The following MDGA2 variants were observed in gnomAD, a reference collection of about 807,000 sequenced individuals.
The protein encoded by MDGA2 is MAM domain-containing glycosylphosphatidylinositol anchor protein 2.
In MDGA2, 40 loss-of-function variants were observed where a neutral mutation model predicts 117.8. The ratio of observed to expected loss-of-function variants is 0.34; its 90% CI spans 0.26 to 0.44. The LOEUF (loss-of-function observed/expected upper bound fraction) is 0.44. Among genes scored for constraint, MDGA2 ranks in the 20% least tolerant of loss-of-function variants. The pLI, the probability that MDGA2 is intolerant of heterozygous loss-of-function variation, is 1.00. For synonymous variants in MDGA2, 452 were observed against 439.0 expected, an observed-to-expected ratio of 1.03 and a Z score of -0.37; for missense variants, 1,123 against 1,250.6, an observed-to-expected ratio of 0.90 and a Z score of 1.54.
chr14:47,442,795 G>T (rs1893040231), intron 1 of MDGA2, among the ~76,000 whole-genome samples: 1 of 152,084 alleles, frequency 6.6e-6, no homozygotes, highest in Admixed American at 6.6e-5. Context: ...GTCAACTGTG[G>T]TCTGAAAATA....
At chr14:47,634,331 T>C (rs1296239649) in intron 1 of MDGA2, among the ~76,000 whole-genome samples, 1 of 152,148 alleles carries the variant, frequency 6.6e-6, no homozygotes, top group Non-Finnish European at 1.5e-5. Flanking sequence ...AAATATTTGA[T>C]ATAAACTGAT....
At chr14:47,553,590 C>T (rs1027734358) in intron 1 of MDGA2, among the ~76,000 whole-genome samples, 4 of 152,094 alleles carry the variant, frequency 2.6e-5, no homozygotes, top group Non-Finnish European at 5.9e-5. Context: ...TTTAATGTTA[C>T]TGACATTTTG....
chr14:47,256,096 TC>T lies in MDGA2; in HGVS notation c.421-37902del, dbSNP rs374075348. Reference sequence around the variant, plus strand: ...GCCTTTTTTGGTTTTAAATCAAATTTCTTTTTTTTTTTTTTTCTGAAGCCCT... The same window carrying T: ...GCCTTTTTTGGTTTTAAATCAAATTTTTTTTTTTTTTTTTTCTGAAGCCCT... On this transcript the variant is annotated intron_variant, in intron 2 of 16. Coordinates refer to ENST00000399232, the MANE Select transcript of MDGA2 (RefSeq NM_001113498.3). Among the ~76,000 whole-genome samples, 116 of 150,508 alleles carry T rather than the reference TC, an allele frequency of 7.7e-4. 3 individuals carry two copies. The Middle Eastern group carries it at 0.017, about 22-fold the overall frequency.
chr14:47,459,123 C>T (rs1360295826), intron 1 of MDGA2, among the ~76,000 whole-genome samples: 1 of 151,870 alleles, frequency 6.6e-6, no homozygotes, highest in East Asian at 1.9e-4. Flanking sequence ...TGGAAATACA[C>T]CTCCAGAAGG....
chr14:47,499,273 G>T (rs1222982951), intron 1 of MDGA2, among the ~76,000 whole-genome samples: 1 of 152,076 alleles, frequency 6.6e-6, no homozygotes, highest in East Asian at 1.9e-4. Flanking sequence ...GCAAATCTTA[G>T]CATATTGGAG....
At chr14:47,139,170 A>T (rs537194611) in intron 4 of MDGA2, among the ~76,000 whole-genome samples, 116 of 152,226 alleles carry the variant, frequency 7.6e-4, no homozygotes, top group African/African-American at 2.6e-3. Flanking sequence ...TAACATTAAA[A>T]CTTAAGTAGA....
At chr14:47,589,160 G>T (rs1896388707) in intron 1 of MDGA2, among the ~76,000 whole-genome samples, 1 of 151,894 alleles carries the variant, frequency 6.6e-6, no homozygotes, top group Non-Finnish European at 1.5e-5. Flanking sequence ...AGATTCAAAT[G>T]TCGACATCTT....
intron 6 of MDGA2, among the ~76,000 whole-genome samples, chr14:47,074,800 C>T (rs1335889949): frequency 1.3e-5 from 2 of 152,194 alleles, no homozygotes; most frequent in African/African-American, 4.8e-5. Flanking sequence ...TCACAGCTTG[C>T]TTTTACATCC....
At chr14:47,530,786 A>G (rs1895082760) in intron 1 of MDGA2, among the ~76,000 whole-genome samples, 1 of 152,142 alleles carries the variant, frequency 6.6e-6, no homozygotes, top group Non-Finnish European at 1.5e-5. Context: ...GACGAATCAC[A>G]TTTTCACTTG....
At chr14:47,202,423 A>T (rs1232725900) in intron 3 of MDGA2, among the ~76,000 whole-genome samples, 1 of 151,742 alleles carries the variant, frequency 6.6e-6, no homozygotes, top group Non-Finnish European at 1.5e-5. Context: ...TAACTTCCTG[A>T]TTTTTTTTTA....
intron 1 of MDGA2, among the ~76,000 whole-genome samples, chr14:47,544,168 C>T (rs923551166): frequency 2.0e-4 from 31 of 152,062 alleles, no homozygotes; most frequent in Non-Finnish European, 4.4e-4. Flanking sequence ...ATTAATATCA[C>T]CAGTGAGAAA....
intron 1 of MDGA2, among the ~76,000 whole-genome samples, chr14:47,588,335 ACT>A (rs1286018361): frequency 2.1e-4 from 32 of 150,278 alleles, no homozygotes; most frequent in African/African-American, 7.8e-4. Flanking sequence ...TTGAAAAACC[ACT>A]GTTTTCCAAA....
intron 1 of MDGA2, among the ~76,000 whole-genome samples, chr14:47,594,335 AC>A (rs1896496692): frequency 6.6e-6 from 1 of 152,198 alleles, no homozygotes; most frequent in Admixed American, 6.5e-5. Flanking sequence ...TATAATAGCT[AC>A]TGCTGGTGAT....
chr14:47,136,251 T>C lies in MDGA2; in HGVS notation c.793-4405A>G, dbSNP rs139622875. ...TTTAGCTCTGTCACCCAGGCTGGAG[T>C]GCAGTGGCGCAACCTCGGCTCGCTG... is the stretch of plus-strand genomic sequence containing the variant. On this transcript the variant is annotated intron_variant, in intron 4 of 16. Transcript: ENST00000399232. 9.4e-4 allele frequency among the ~76,000 whole-genome samples: 141 copies of C among 149,402 alleles called. 3 individuals carry two copies. The East Asian group carries it at 0.026, about 28-fold the overall frequency.
intron 2 of MDGA2, among the ~76,000 whole-genome samples, chr14:47,220,558 G>A (rs1346330375): frequency 1.3e-5 from 2 of 152,176 alleles, no homozygotes; most frequent in Non-Finnish European, 2.9e-5. Flanking sequence ...ATCAAGCACA[G>A]AGAAGTAGTA....
intron 1 of MDGA2, among the ~76,000 whole-genome samples, chr14:47,656,907 AG>A (rs1332102801): frequency 2.6e-5 from 4 of 152,184 alleles, no homozygotes; most frequent in African/African-American, 9.6e-5. Context: ...CTCAAACTAT[AG>A]AGCGTCACGG....
chr14:47,282,417 C>T (rs563962667), intron 2 of MDGA2, among the ~76,000 whole-genome samples: 103 of 151,756 alleles, frequency 6.8e-4, no homozygotes, highest in African/African-American at 2.4e-3. Context: ...TGGTGGCTCA[C>T]GCCTGTAATC....
chr14:47,179,353 T>C (rs1175018877), intron 3 of MDGA2, among the ~76,000 whole-genome samples: 3 of 152,086 alleles, frequency 2.0e-5, no homozygotes, highest in African/African-American at 7.2e-5. Flanking sequence ...ATATTTACAC[T>C]ACATAGTTCG....
chr14:47,534,085 GA>G (rs1895156768), intron 1 of MDGA2, among the ~76,000 whole-genome samples: 1 of 152,090 alleles, frequency 6.6e-6, no homozygotes, highest in Admixed American at 6.5e-5. Context: ...AAACTACTGG[GA>G]AAAAAAGTAT....
Sources: gnomAD v4.1 joint callset for allele counts (sites outside exome capture counted in the v4.1 genomes callset) on GRCh38, gnomAD v4.1.1 for gene constraint, MANE v1.5 for transcripts, NCBI Gene and HGNC (gene_info 2026-07-23, HGNC 2026-07-21) for gene names.